The following DMGDH variants were observed in gnomAD, a reference collection of about 807,000 sequenced individuals.
DMGDH encodes the protein dimethylglycine dehydrogenase, also known as dimethylglycine dehydrogenase, mitochondrial.
In DMGDH, 76 loss-of-function variants were observed where a neutral mutation model predicts 95.2. The ratio of observed to expected loss-of-function variants is 0.80; its 90% CI spans 0.66 to 0.97. The LOEUF (loss-of-function observed/expected upper bound fraction) is 0.97. Among genes scored for constraint, DMGDH ranks in the 50% least tolerant of loss-of-function variants. The probability of loss-of-function intolerance (pLI) is 0.00; values close to 1 mark genes in which losing one functional copy is unlikely to be tolerated. For synonymous variants in DMGDH, 345 were observed against 377.6 expected (o/e 0.91, Z 1.00); for missense variants, 987 against 1,055.0 (o/e 0.94, Z 0.89).
chr5:79,006,858 A>G (rs559811499), intron 14 of DMGDH, among the ~76,000 whole-genome samples: 35 of 99,022 alleles, frequency 3.5e-4, no homozygotes, highest in African/African-American at 1.3e-3. Context: ...CCCCCAGTCC[A>G]TTCCTTTCCT....
intron 14 of DMGDH, among the ~76,000 whole-genome samples, chr5:79,006,735 T>C (rs1753551246): frequency 6.6e-6 from 1 of 152,160 alleles, no homozygotes; most frequent in Non-Finnish European, 1.5e-5. Context: ...CGCTAACATT[T>C]AGGACTTACA....
At position 79,044,531 on chromosome 5, in the gene DMGDH, C is replaced by T; in HGVS notation, c.767G>A (p.Gly256Asp). 1 of 1,614,100 alleles carries T rather than the reference C, an allele frequency of 6.2e-7. No individual in the cohort carries two copies. The highest frequency in any genetic ancestry group is 8.5e-7 in the Non-Finnish European group (1 of 1,180,002). The change falls in exon 6 of 16, where the codon GGT becomes GAT. Residue 256 changes from glycine (G) to aspartate (D), a missense_variant. Coordinates refer to ENST00000255189, the MANE Select transcript of DMGDH (RefSeq NM_013391.3). ...AGGATGTTCTAGTCCAATCATTTTA[C>T]CTACTTCACGAGCCCAAAATCCTTA... ...NAAGFWAREVGKMIGLEHPLI... is the reference protein window; with the variant it reads ...NAAGFWAREVDKMIGLEHPLI...
At chr5:79,063,852 GCACTTC>G in intron 1 of DMGDH, 65 bp from the exon 2 acceptor site, 1 of 1,523,722 alleles carries the variant, frequency 6.6e-7, no homozygotes, top group Non-Finnish European at 9.1e-7. Flanking sequence ...CTGGCCTAAA[GCACTTC>G]CCCTTACCCG....
At chr5:79,018,630 A>T (rs1753793855) in intron 14 of DMGDH, among the ~76,000 whole-genome samples, 1 of 152,090 alleles carries the variant, frequency 6.6e-6, no homozygotes, top group Non-Finnish European at 1.5e-5. Context: ...ATGTACTAAA[A>T]CTTATCAAAT....
chr5:79,049,160 A>C (rs988944897), intron 5 of DMGDH, among the ~76,000 whole-genome samples: 2 of 152,210 alleles, frequency 1.3e-5, no homozygotes, highest in African/African-American at 4.8e-5. Flanking sequence ...AAGATTTCAC[A>C]GCTGCAGAGA....
intron 7 of DMGDH, among the ~76,000 whole-genome samples, chr5:79,033,901 C>A (rs569895990): frequency 6.6e-6 from 1 of 152,086 alleles, no homozygotes; most frequent in Non-Finnish European, 1.5e-5. Flanking sequence ...CACTGCACTC[C>A]GGCCTGGGTA....
chr5:79,006,850 C>CCCTCCCCG (rs142991064), intron 14 of DMGDH, among the ~76,000 whole-genome samples: 1 of 147,672 alleles, frequency 6.8e-6, no homozygotes, highest in South Asian at 2.2e-4. Context: ...CTGAGACCCC[C>CCCTCCCCG]CCAGTCCATT....
intron 3 of DMGDH, among the ~76,000 whole-genome samples, chr5:79,055,285 TG>T (rs1344546493): frequency 1.3e-5 from 2 of 152,328 alleles, no homozygotes; most frequent in South Asian, 4.1e-4. Context: ...TGGTAGACTG[TG>T]GGGAGCCATT....
intron 1 of DMGDH, among the ~76,000 whole-genome samples, chr5:79,067,526 A>G (rs192001441): frequency 6.6e-6 from 1 of 152,214 alleles, no homozygotes; most frequent in Non-Finnish European, 1.5e-5. Context: ...CTGAACAGCT[A>G]TTTTAGAGAA....
chr5:79,058,393 T>C (rs1323721500), intron 2 of DMGDH, among the ~76,000 whole-genome samples: 1 of 152,234 alleles, frequency 6.6e-6, no homozygotes, highest in Non-Finnish European at 1.5e-5. Context: ...CACAATGTTT[T>C]AATCTTCTGT....
rs1754605575 is a variant in DMGDH at position 79,044,392 on chromosome 5, C to A, written c.906G>T (p.Gln302His). The change falls in exon 6 of 16, where the codon CAG becomes CAT. Residue 302 changes from glutamine to histidine, a missense_variant. Gln to His is a conservative substitution (Grantham distance 24). Coordinates refer to ENST00000255189, the MANE Select transcript of DMGDH (RefSeq NM_013391.3). ...RDLEGSYYLR[Q>H]ERDGLLFGPY... ...GACCAAACAAAAGCCCATCCCTTTC[C>A]TGTCGGAGATAATATGATCCTTCCA... is the stretch of plus-strand genomic sequence containing the variant. The A allele has an allele frequency of 2.5e-6, 4 of 1,614,072 alleles. No homozygotes were observed. The highest frequency in any genetic ancestry group is 3.4e-6 in the Non-Finnish European group (4 of 1,180,038).
chr5:79,041,464 C>T (rs1180492353), intron 7 of DMGDH, among the ~76,000 whole-genome samples: 1 of 152,064 alleles, frequency 6.6e-6, no homozygotes, highest in African/African-American at 2.4e-5. Flanking sequence ...ATCAAAGAGG[C>T]AATGGAGTCA....
In DMGDH at chr5:78,997,968, T is replaced by C. The variant is rs75147262; in HGVS notation, c.*114A>G. On this transcript the variant is annotated 3_prime_UTR_variant, in exon 16 of 16. Coordinates refer to ENST00000255189, the MANE Select transcript of DMGDH (RefSeq NM_013391.3). ...TTCATTAAGATTCTAAATTTAGACT[T>C]TGATGATTTTGAAATGAATTCCTGG... is the stretch of plus-strand genomic sequence containing the variant. The C allele has an allele frequency of 1.4e-5, 16 of 1,119,940 alleles. No individual in the cohort carries two copies. The African/African-American group carries it at 2.5e-4, about 18-fold the overall frequency. The allele number at this position is 1,119,940 out of a possible 1,614,324, so 69.4% of individuals were successfully genotyped here. A position where few individuals can be genotyped will look rare whatever the true frequency, so the allele number is the denominator to read the frequency against.
At chr5:79,010,212 T>C (rs16876277) in intron 14 of DMGDH, among the ~76,000 whole-genome samples, 3,762 of 152,254 alleles carry the variant, frequency 0.025, 149 homozygotes, top group African/African-American at 0.086. Flanking sequence ...GGAACCATAT[T>C]ACCTAAAAGC....
chr5:79,042,646 A>G (rs1375998974), intron 6 of DMGDH, among the ~76,000 whole-genome samples, 165 bp from the exon 7 acceptor site: 1 of 152,252 alleles, frequency 6.6e-6, no homozygotes, highest in Non-Finnish European at 1.5e-5. Flanking sequence ...ACAGATGAGT[A>G]TCCATTTATA....
intron 4 of DMGDH, among the ~76,000 whole-genome samples, chr5:79,053,936 G>T (rs977384973): frequency 3.3e-5 from 5 of 152,092 alleles, no homozygotes; most frequent in African/African-American, 4.8e-5. Context: ...ATAATGGAAA[G>T]GTATTGAAAA....
At chr5:79,040,337 A>T (rs1037014173) in intron 7 of DMGDH, among the ~76,000 whole-genome samples, 1 of 152,244 alleles carries the variant, frequency 6.6e-6, no homozygotes, top group Non-Finnish European at 1.5e-5. Flanking sequence ...GACATTACAG[A>T]TGCCAGCATA....
chr5:79,067,257 C>T (rs561301049), intron 1 of DMGDH, among the ~76,000 whole-genome samples: 1 of 152,290 alleles, frequency 6.6e-6, no homozygotes, highest in Non-Finnish European at 1.5e-5. Flanking sequence ...CTATTAATGT[C>T]TCTTTGTATG....
At chr5:79,000,898 G>A (rs989841439) in intron 15 of DMGDH, 14 of 661,402 alleles carry the variant, frequency 2.1e-5, no homozygotes, top group African/African-American at 1.8e-4. Context: ...TTAAGCCAAT[G>A]AGCATTCAAC....
Sources: allele counts gnomAD v4.1 joint callset (sites outside exome capture counted in the v4.1 genomes callset), GRCh38; gene constraint gnomAD v4.1.1; transcripts MANE v1.5; gene names NCBI Gene and HGNC (gene_info 2026-07-23, HGNC 2026-07-21).